LRPPRC: variants seen among roughly 807,000 people sequenced by gnomAD.
The protein encoded by LRPPRC is leucine-rich PPR motif-containing protein, mitochondrial.
A neutral mutation model predicts 180.3 loss-of-function variants in LRPPRC; 120 were observed. The ratio of observed to expected loss-of-function variants is 0.67; its 90% CI spans 0.57 to 0.77. The LOEUF (loss-of-function observed/expected upper bound fraction) is 0.77, where lower values mean the gene tolerates loss of function less well. LRPPRC is among the 30% of genes least tolerant of loss of function. LRPPRC has a pLI of 0.00. For synonymous variants in LRPPRC, 723 were observed against 600.0 expected (o/e 1.21, Z -3.00); for missense variants, 2,012 against 1,657.2 (o/e 1.21, Z -3.72).
chr2:43,983,463 T>A (rs1473259106), intron 1 of LRPPRC, among the ~76,000 whole-genome samples: 2 of 152,146 alleles, frequency 1.3e-5, no homozygotes, highest in African/African-American at 4.8e-5. Context: ...GATTTAAAAA[T>A]ATCAGATAAA....
At chr2:43,956,084 A>C (rs999949775) in intron 14 of LRPPRC, among the ~76,000 whole-genome samples, 1 of 152,018 alleles carries the variant, frequency 6.6e-6, no homozygotes, top group Non-Finnish European at 1.5e-5. Context: ...AAAAAAAAAA[A>C]ACAGAAAAAT....
At chr2:43,917,064 C>T (rs180887251) in intron 29 of LRPPRC, among the ~76,000 whole-genome samples, 4 of 120,460 alleles carry the variant, frequency 3.3e-5, no homozygotes, top group South Asian at 2.6e-4. Context: ...TTTTTTGAGA[C>T]GGAGTCTTAC....
At chr2:43,994,711 T>TA (rs989599368) in intron 1 of LRPPRC, among the ~76,000 whole-genome samples, 25 of 152,180 alleles carry the variant, frequency 1.6e-4, no homozygotes, top group Non-Finnish European at 2.9e-4. Context: ...TCTCCAATGC[T>TA]AAAAGCTCAG....
intron 29 of LRPPRC, among the ~76,000 whole-genome samples, chr2:43,914,233 CCT>C (rs1671361771): frequency 6.6e-6 from 1 of 151,988 alleles, no homozygotes. Flanking sequence ...GTAATTAGTC[CCT>C]GTTAGTTTTT....
At chr2:43,973,159 C>T (rs923128029) in intron 11 of LRPPRC, among the ~76,000 whole-genome samples, 2 of 152,150 alleles carry the variant, frequency 1.3e-5, no homozygotes, top group Non-Finnish European at 2.9e-5. Flanking sequence ...AGTTTTCCTG[C>T]CTTTCCTATT....
chr2:43,911,839 T>C (rs1199394569), intron 30 of LRPPRC, among the ~76,000 whole-genome samples: 1 of 152,094 alleles, frequency 6.6e-6, no homozygotes, highest in East Asian at 1.9e-4. Context: ...ATTTCTTTTT[T>C]TTAATCCAAA....
chr2:43,925,982 A>G, intron 25 of LRPPRC, 21 bp from the exon 26 acceptor site: 1 of 1,430,378 alleles, frequency 7.0e-7, no homozygotes, highest in Non-Finnish European at 9.9e-7. Context: ...AAATAATCAC[A>G]TAGCACCCAA....
chr2:43,889,742 CA>C lies in LRPPRC; in HGVS notation c.4119del (p.Ile1373MetfsTer14). On this transcript the variant is annotated frameshift_variant, in exon 37 of 38. Coordinates refer to ENST00000260665, the MANE Select transcript of LRPPRC (RefSeq NM_133259.4). LOFTEE classifies it high-confidence loss of function. Reference sequence around the variant, plus strand: ...AATTAAGAAATACTCACAGGGGGTTCAATGAAAGGGACAGGCTCTCCAGCAT... The same window carrying C: ...AATTAAGAAATACTCACAGGGGGTTCATGAAAGGGACAGGCTCTCCAGCAT... ...LKYAGEPVPFIEPPESFEFYA... is the reference protein window; with the variant it reads ...LKYAGEPVPFXEPPESFEFYA... The C allele has an allele frequency of 6.2e-7, 1 of 1,612,376 alleles. No individual in the cohort carries two copies. The highest frequency in any genetic ancestry group is 1.7e-5 in the Admixed American group (1 of 60,026).
At chr2:43,972,301 G>C (rs950906284) in intron 11 of LRPPRC, among the ~76,000 whole-genome samples, 3 of 152,156 alleles carry the variant, frequency 2.0e-5, no homozygotes, top group African/African-American at 7.2e-5. Context: ...AGATGGATTT[G>C]AGATAAAGCC....
intron 36 of LRPPRC, among the ~76,000 whole-genome samples, chr2:43,893,075 TAGA>T (rs1233167767): frequency 6.6e-6 from 1 of 152,116 alleles, no homozygotes; most frequent in African/African-American, 2.4e-5. Context: ...GCAAGACAAC[TAGA>T]AGGAGAAGTG....
rs1344985599 is a variant in LRPPRC at position 43,899,537 on chromosome 2, G to A, written c.3638C>T (p.Pro1213Leu). 2 of 1,611,724 alleles carry A rather than the reference G, an allele frequency of 1.2e-6. No homozygotes were observed. The highest frequency in any genetic ancestry group is 2.7e-5 in the African/African-American group (2 of 74,914). Residue 1213 changes from proline (P) to leucine (L), a missense_variant, in exon 33 of 38, where the codon CCC becomes CTC. By Grantham distance (98) the Pro-to-Leu change is moderately conservative. Coordinates refer to ENST00000260665, the MANE Select transcript of LRPPRC (RefSeq NM_133259.4). ...TAAGTATGCCAAGCCGAAGTATTGG[G>A]GTTCAATGACTTTATTCTCTGAAGT... ...MLTSENKVIEPQYFGLAYLFR... is the reference protein window; with the variant it reads ...MLTSENKVIELQYFGLAYLFR...
chr2:43,890,827 G>A (rs1376349525), intron 36 of LRPPRC, among the ~76,000 whole-genome samples: 1 of 152,200 alleles, frequency 6.6e-6, no homozygotes, highest in Non-Finnish European at 1.5e-5. Flanking sequence ...TCTACTTGTG[G>A]CTGATTTGTG....
intron 1 of LRPPRC, among the ~76,000 whole-genome samples, chr2:43,994,117 G>A (rs754080044): frequency 6.6e-6 from 1 of 151,998 alleles, no homozygotes; most frequent in Non-Finnish European, 1.5e-5. Flanking sequence ...GAAATGCTGA[G>A]GATTAGAAAA....
intron 36 of LRPPRC, among the ~76,000 whole-genome samples, chr2:43,893,561 A>G (rs1046808346): frequency 4.6e-5 from 7 of 152,228 alleles, no homozygotes; most frequent in Admixed American, 6.5e-5. Context: ...CTTAAAATTA[A>G]GGTATGTACT....
intron 11 of LRPPRC, among the ~76,000 whole-genome samples, chr2:43,964,479 G>A (rs1673474299): frequency 6.6e-6 from 1 of 151,964 alleles, no homozygotes; most frequent in Admixed American, 6.6e-5. Flanking sequence ...CTTATCTTCA[G>A]CTTCATTACT....
chr2:43,966,788 C>T (rs528944037), intron 11 of LRPPRC, among the ~76,000 whole-genome samples: 1 of 152,092 alleles, frequency 6.6e-6, no homozygotes, highest in African/African-American at 2.4e-5. Flanking sequence ...CGGTGGCTCA[C>T]ACCTGTAATC....
At chr2:43,958,503 T>G (rs1037614010) in intron 13 of LRPPRC, among the ~76,000 whole-genome samples, 1 of 152,200 alleles carries the variant, frequency 6.6e-6, no homozygotes, top group Admixed American at 6.5e-5. Context: ...AGCTGCTATA[T>G]TCCTTGAACA....
intron 30 of LRPPRC, among the ~76,000 whole-genome samples, chr2:43,909,642 T>C (rs1225633572): frequency 6.9e-6 from 1 of 145,050 alleles, no homozygotes; most frequent in African/African-American, 2.5e-5. Flanking sequence ...ATAATAATAA[T>C]AATAATATTG....
chr2:43,991,801 C>G (rs939955980), intron 1 of LRPPRC, among the ~76,000 whole-genome samples: 3 of 152,214 alleles, frequency 2.0e-5, no homozygotes, highest in Non-Finnish European at 4.4e-5. Context: ...TAATTTCACT[C>G]ACTAATACTC....
Sources: allele counts gnomAD v4.1 joint callset (sites outside exome capture counted in the v4.1 genomes callset), GRCh38; gene constraint gnomAD v4.1.1; transcripts MANE v1.5; gene names NCBI Gene and HGNC (gene_info 2026-07-23, HGNC 2026-07-21).